FHOD3: variants seen among roughly 807,000 people sequenced by gnomAD.
FHOD3 encodes formin homology 2 domain containing 3.
A neutral mutation model predicts 173.0 loss-of-function variants in FHOD3; 90 were observed. The observed-to-expected ratio is 0.52, with a 90% confidence interval of 0.44 to 0.62. FHOD3 has a LOEUF of 0.62. Ranked by LOEUF, FHOD3 falls within the 20% of genes least tolerant of loss-of-function variation. FHOD3 has a pLI of 0.00. For synonymous variants in FHOD3, 828 were observed against 823.0 expected (o/e 1.01, Z -0.10); for missense variants, 1,945 against 2,034.7 (o/e 0.96, Z 0.85).
At chr18:36,509,426 C>CAAAAA (rs34772691) in intron 4 of FHOD3, among the ~76,000 whole-genome samples, 40 of 54,732 alleles carry the variant, frequency 7.3e-4, no homozygotes, top group East Asian at 5.4e-3. Context: ...GACTCCATCT[C>CAAAAA]AAAAAAAAAA....
intron 5 of FHOD3, among the ~76,000 whole-genome samples, chr18:36,529,477 A>G (rs2146807714): frequency 6.6e-6 from 1 of 152,294 alleles, no homozygotes; most frequent in South Asian, 2.1e-4. Flanking sequence ...CTAAATGGGC[A>G]TAGGGTTCTA....
At chr18:36,354,830 T>A (rs12970228) in intron 1 of FHOD3, among the ~76,000 whole-genome samples, 1 of 150,850 alleles carries the variant, frequency 6.6e-6, no homozygotes, top group African/African-American at 2.4e-5. Flanking sequence ...TAAAAATTTT[T>A]AAAAATGAGA....
At chr18:36,766,720 C>T (rs1012696699) in intron 27 of FHOD3, among the ~76,000 whole-genome samples, 5 of 152,154 alleles carry the variant, frequency 3.3e-5, no homozygotes, top group Non-Finnish European at 5.9e-5. Context: ...CAAGATGTTT[C>T]CTTTAAGCAT....
chr18:36,718,025 A>C lies in FHOD3; in HGVS notation c.2727A>C (p.Ile909=). 6.2e-7 allele frequency: 1 copy of C among 1,607,334 alleles called. No individual in the cohort carries two copies. Among genetic ancestry groups the C allele is most frequent in the Non-Finnish European group, 8.5e-7 (1 of 1,176,610 alleles). The change falls in exon 19 of 29, where the codon ATA becomes ATC. Residue 909 remains isoleucine, a synonymous_variant. Coordinates refer to ENST00000590592, the MANE Select transcript of FHOD3 (RefSeq NM_001281740.3). ...AEAVASLATR[I]STLQANSQTQ... ...CGGTAGCCAGCCTTGCTACCAGGAT[A>C]TCCACCCTGCAGGCCAACTCTCAGA...
intron 2 of FHOD3, among the ~76,000 whole-genome samples, chr18:36,369,541 GA>G (rs2047076721): frequency 7.0e-6 from 1 of 142,260 alleles, no homozygotes; most frequent in Non-Finnish European, 1.5e-5. Context: ...AGCAATATGT[GA>G]AAATACAATA....
chr18:36,324,551 A>G (rs1444449963), intron 1 of FHOD3, among the ~76,000 whole-genome samples: 1 of 152,244 alleles, frequency 6.6e-6, no homozygotes, highest in Non-Finnish European at 1.5e-5. Flanking sequence ...TAAGAAAATG[A>G]CAGTCCAATA....
intron 3 of FHOD3, among the ~76,000 whole-genome samples, chr18:36,458,742 T>A (rs922586055): frequency 1.0e-4 from 15 of 143,130 alleles, no homozygotes; most frequent in African/African-American, 3.9e-4. Flanking sequence ...TGTTGAACCA[T>A]CGGGGTGACT....
chr18:36,701,258 C>G (rs1193277240), intron 17 of FHOD3, among the ~76,000 whole-genome samples: 1 of 152,136 alleles, frequency 6.6e-6, no homozygotes, highest in Non-Finnish European at 1.5e-5. Context: ...ATGCAGGCCA[C>G]TCCATAAGGA....
chr18:36,335,507 A>AAT (rs1271395166), intron 1 of FHOD3, among the ~76,000 whole-genome samples: 2 of 151,998 alleles, frequency 1.3e-5, no homozygotes, highest in African/African-American at 4.8e-5. Flanking sequence ...AAAAAAAAAA[A>AAT]AACTTAAAAA....
intron 10 of FHOD3, among the ~76,000 whole-genome samples, chr18:36,629,716 T>G (rs1422674992): frequency 6.6e-6 from 1 of 151,852 alleles, no homozygotes; most frequent in African/African-American, 2.4e-5. Flanking sequence ...AGAGGAAGAT[T>G]GAGGGGTCGG....
chr18:36,656,817 C>A (rs1452125906), intron 13 of FHOD3, among the ~76,000 whole-genome samples: 1 of 152,096 alleles, frequency 6.6e-6, no homozygotes, highest in Non-Finnish European at 1.5e-5. Context: ...AATAATATAT[C>A]ATACTTTCGT....
intron 25 of FHOD3, 110 bp from the exon 26 acceptor site, chr18:36,759,008 A>G: frequency 1.6e-6 from 2 of 1,232,226 alleles, no homozygotes; most frequent in Non-Finnish European, 2.3e-6. Flanking sequence ...TGACCAGTTT[A>G]TTTACTTGGA....
intron 2 of FHOD3, among the ~76,000 whole-genome samples, chr18:36,359,622 T>C (rs2046515421): frequency 1.3e-5 from 2 of 152,120 alleles, no homozygotes; most frequent in African/African-American, 2.4e-5. Context: ...CCCAATCCCA[T>C]TTATCTTCCT....
At chr18:36,633,568 A>G (rs1184662102) in intron 10 of FHOD3, among the ~76,000 whole-genome samples, 1 of 152,210 alleles carries the variant, frequency 6.6e-6, no homozygotes, top group African/African-American at 2.4e-5. Context: ...CAGGTGAGGA[A>G]ACCGAAACAC....
Position 36,698,827 on chromosome 18 carries a change from C to T in FHOD3, c.2236+5404C>T, listed in dbSNP as rs562969286. Among the ~76,000 whole-genome samples, 11 of 152,298 alleles carry T rather than the reference C, an allele frequency of 7.2e-5. No homozygotes were observed. In the East Asian group the frequency reaches 1.5e-3, roughly 21 times the overall value. On this transcript the variant is annotated intron_variant, in intron 17 of 28. Coordinates refer to ENST00000590592, the MANE Select transcript of FHOD3 (RefSeq NM_001281740.3). ...CAGAATATCAACATTTGTGCCATTT[C>T]CCCAAGCCTCAGTTCCCACAGGGTG...
intron 3 of FHOD3, among the ~76,000 whole-genome samples, chr18:36,449,562 T>G (rs904548367): frequency 3.9e-5 from 6 of 152,302 alleles, no homozygotes; most frequent in Middle Eastern, 3.4e-3. Flanking sequence ...TTTTACTCAC[T>G]TCTTCCCCAG....
chr18:36,763,800 A>G (rs1448845128), intron 27 of FHOD3, among the ~76,000 whole-genome samples: 2 of 152,200 alleles, frequency 1.3e-5, no homozygotes, highest in East Asian at 3.9e-4. Context: ...CACAGATGAC[A>G]GGGTGGAAAA....
chr18:36,398,919 G>A (rs1025328159), intron 3 of FHOD3, among the ~76,000 whole-genome samples: 11 of 152,128 alleles, frequency 7.2e-5, no homozygotes, highest in Non-Finnish European at 7.3e-5. Flanking sequence ...TGTGGCATGT[G>A]GGAAGGCTGG....
At chr18:36,661,119 G>A (rs2036766853) in intron 14 of FHOD3, among the ~76,000 whole-genome samples, 1 of 150,334 alleles carries the variant, frequency 6.7e-6, no homozygotes, top group Admixed American at 6.6e-5. Flanking sequence ...TTTGTAAGTG[G>A]GGGAAAAAAA....
Sources: allele counts gnomAD v4.1 joint callset (sites outside exome capture counted in the v4.1 genomes callset), GRCh38; gene constraint gnomAD v4.1.1; transcripts MANE v1.5; gene names NCBI Gene and HGNC (gene_info 2026-07-23, HGNC 2026-07-21).